Variants in SLC24A3 observed in about 807,000 individuals in gnomAD.
The protein encoded by SLC24A3 is sodium/potassium/calcium exchanger 3.
In SLC24A3, 28 loss-of-function variants were observed where a neutral mutation model predicts 75.8. The ratio of observed to expected loss-of-function variants is 0.37; its 90% CI spans 0.27 to 0.51. The LOEUF is 0.51. Ranked by LOEUF, SLC24A3 falls within the 20% of genes least tolerant of loss-of-function variation. The pLI is 0.94. For synonymous variants in SLC24A3, 372 were observed against 334.1 expected, an observed-to-expected ratio of 1.11 and a Z score of -1.24; for missense variants, 663 against 847.8, an observed-to-expected ratio of 0.78 and a Z score of 2.71.
intron 8 of SLC24A3, among the ~76,000 whole-genome samples, chr20:19,670,730 A>G (rs1043150730): frequency 6.6e-6 from 1 of 152,194 alleles, no homozygotes; most frequent in African/African-American, 2.4e-5. Flanking sequence ...AGTGTATGCT[A>G]CGTATACATT....
chr20:19,585,398 A>G (rs2031280425), intron 5 of SLC24A3, 43 bp from the exon 6 acceptor site: 2 of 1,586,626 alleles, frequency 1.3e-6, no homozygotes, highest in South Asian at 1.1e-5. Flanking sequence ...TTGGAATGCA[A>G]CAGGGCCACA....
At chr20:19,381,530 T>C (rs945811509) in intron 2 of SLC24A3, among the ~76,000 whole-genome samples, 5 of 152,118 alleles carry the variant, frequency 3.3e-5, no homozygotes, top group African/African-American at 1.2e-4. Context: ...CAGAAGACGC[T>C]TGCAGGATTT....
At chr20:19,598,607 C>T (rs1243569421) in intron 6 of SLC24A3, among the ~76,000 whole-genome samples, 7 of 151,924 alleles carry the variant, frequency 4.6e-5, no homozygotes, top group Non-Finnish European at 1.0e-4. Flanking sequence ...GACTTTCTCC[C>T]ACAGTGAAAT....
At chr20:19,621,052 T>C (rs187417908) in intron 6 of SLC24A3, among the ~76,000 whole-genome samples, 9 of 152,346 alleles carry the variant, frequency 5.9e-5, no homozygotes, top group Non-Finnish European at 1.2e-4. Context: ...TTCTCTTTAG[T>C]GGCCATGGAG....
rs28660244 is a variant in SLC24A3, at chr20:19,215,636, C to T, written c.142+2652C>T. Among the ~76,000 whole-genome samples, 191 of 152,212 alleles carry T rather than the reference C, an allele frequency of 1.3e-3. 1 individual carries two copies. Among genetic ancestry groups the T allele is most frequent in the African/African-American group, 4.3e-3 (179 of 41,530 alleles). On this transcript the variant is annotated intron_variant, in intron 1 of 16. Coordinates refer to ENST00000328041, the MANE Select transcript of SLC24A3 (RefSeq NM_020689.4). ...CCTTCATTCTTTCTTCCTTCCTGCTCCCTTCCTTTCTCTCTTCTTTCCTCT... is the reference window on the plus strand; with the variant it reads ...CCTTCATTCTTTCTTCCTTCCTGCTTCCTTCCTTTCTCTCTTCTTTCCTCT...
At chr20:19,274,056 G>T (rs962215900) in intron 1 of SLC24A3, among the ~76,000 whole-genome samples, 17 of 151,102 alleles carry the variant, frequency 1.1e-4, no homozygotes, top group African/African-American at 4.1e-4. Context: ...TCCCCTCTGG[G>T]TTAAAGGGAG....
intron 2 of SLC24A3, among the ~76,000 whole-genome samples, chr20:19,318,705 G>A (rs1192394586): frequency 2.6e-5 from 4 of 152,050 alleles, no homozygotes; most frequent in Non-Finnish European, 4.4e-5. Flanking sequence ...GTGCACCTGA[G>A]ACACTTAGTT....
chr20:19,354,700 A>G (rs1490325776), intron 2 of SLC24A3, among the ~76,000 whole-genome samples: 1 of 151,950 alleles, frequency 6.6e-6, no homozygotes, highest in Non-Finnish European at 1.5e-5. Flanking sequence ...TTAAAACTAC[A>G]TGAGATCATG....
chr20:19,679,367 G>C (rs1600336437), intron 9 of SLC24A3, among the ~76,000 whole-genome samples: 1 of 152,386 alleles, frequency 6.6e-6, no homozygotes, highest in African/African-American at 2.4e-5. Flanking sequence ...GTCAGGCGTG[G>C]CGGCACGCAC....
chr20:19,263,407 A>G (rs1983058660), intron 1 of SLC24A3, among the ~76,000 whole-genome samples: 1 of 152,214 alleles, frequency 6.6e-6, no homozygotes, highest in Non-Finnish European at 1.5e-5. Context: ...CTTAGATACC[A>G]GTGCTCCTTG....
chr20:19,404,005 T>C (rs1453459553), intron 2 of SLC24A3, among the ~76,000 whole-genome samples: 3 of 152,242 alleles, frequency 2.0e-5, no homozygotes, highest in African/African-American at 7.2e-5. Flanking sequence ...TTCGCTAAGC[T>C]TTGGGACTTG....
chr20:19,681,613 A>G (rs873628), intron 9 of SLC24A3, among the ~76,000 whole-genome samples: 22,214 of 152,200 alleles, frequency 0.15, 1,755 homozygotes, highest in Non-Finnish European at 0.18. Flanking sequence ...CAATGTGCCC[A>G]TGTGCTCTGG....
chr20:19,237,118 A>T (rs1982189628), intron 1 of SLC24A3, among the ~76,000 whole-genome samples: 1 of 152,234 alleles, frequency 6.6e-6, no homozygotes, highest in African/African-American at 2.4e-5. Context: ...GCTCTGTTTC[A>T]TTAGGATTCT....
chr20:19,562,879 G>A (rs1339182438), intron 3 of SLC24A3, among the ~76,000 whole-genome samples: 2 of 152,108 alleles, frequency 1.3e-5, no homozygotes, highest in Admixed American at 6.5e-5. Context: ...ATGGGATTAG[G>A]TCAGTTCTGG....
intron 1 of SLC24A3, among the ~76,000 whole-genome samples, chr20:19,233,981 A>G (rs185378191): frequency 1.3e-5 from 2 of 152,352 alleles, no homozygotes; most frequent in East Asian, 3.9e-4. Context: ...GAAAGATGCT[A>G]CCTTCTAAGG....
chr20:19,292,432 A>T (rs996473519), intron 2 of SLC24A3, among the ~76,000 whole-genome samples: 1 of 152,338 alleles, frequency 6.6e-6, no homozygotes, highest in Non-Finnish European at 1.5e-5. Flanking sequence ...GGCGGAAAGT[A>T]AAAATAGTCT....
At chr20:19,224,566 G>T (rs1444674522) in intron 1 of SLC24A3, among the ~76,000 whole-genome samples, 2 of 152,094 alleles carry the variant, frequency 1.3e-5, no homozygotes, top group Non-Finnish European at 1.5e-5. Flanking sequence ...TCTGTCATTT[G>T]CACAATATTT....
chr20:19,341,190 A>G (rs1985265399), intron 2 of SLC24A3, among the ~76,000 whole-genome samples: 1 of 152,244 alleles, frequency 6.6e-6, no homozygotes, highest in African/African-American at 2.4e-5. Flanking sequence ...GATACCCACC[A>G]CAGTAGGCAA....
chr20:19,367,764 A>G (rs1328168112), intron 2 of SLC24A3, among the ~76,000 whole-genome samples: 1 of 152,160 alleles, frequency 6.6e-6, no homozygotes, highest in African/African-American at 2.4e-5. Flanking sequence ...AACATCCCAG[A>G]CAAGGTCTGG....
Sources: gnomAD v4.1 joint callset for allele counts (sites outside exome capture counted in the v4.1 genomes callset) on GRCh38, gnomAD v4.1.1 for gene constraint, MANE v1.5 for transcripts, NCBI Gene and HGNC (gene_info 2026-07-23, HGNC 2026-07-21) for gene names.